Variants in BMP7 observed in about 807,000 individuals in gnomAD.
BMP7 encodes the protein bone morphogenetic protein 7.
BMP7 carries 12 observed loss-of-function variants against 41.2 expected under a neutral mutation model. The ratio of observed to expected loss-of-function variants is 0.29; its 90% confidence interval spans 0.19 to 0.47. The LOEUF is 0.47. Among genes scored for constraint, BMP7 ranks in the 20% least tolerant of loss-of-function variants. The probability of loss-of-function intolerance (pLI) is 0.99; values close to 1 mark genes in which losing one functional copy is unlikely to be tolerated. For missense variants in BMP7, 467 were observed against 606.0 expected (o/e 0.77, Z 2.41); for synonymous variants, 248 against 250.0 (o/e 0.99, Z 0.07).
intron 3 of BMP7, among the ~76,000 whole-genome samples, chr20:57,184,688 A>G (rs2123068591): frequency 6.6e-6 from 1 of 152,242 alleles, no homozygotes; most frequent in Middle Eastern, 3.4e-3. Flanking sequence ...AGTTAAAATA[A>G]GCTCATCCTG....
rs886997849 is a variant in BMP7 at position 57,193,325 on chromosome 20, G to A, written c.760+9150C>T. 6.4e-4 allele frequency among the ~76,000 whole-genome samples: 97 copies of A among 152,280 alleles called. 1 individual carries two copies. Among genetic ancestry groups the A allele is most frequent in the African/African-American group, 2.1e-3 (89 of 41,556 alleles). ...TGTGGCAATGTTTGAGACATTTTTG[G>A]TTGTCGTAACTGAGCAGTTGCTACT... On this transcript the variant is annotated intron_variant, in intron 3 of 6. Coordinates refer to ENST00000395863, the MANE Select transcript of BMP7 (RefSeq NM_001719.3).
rs1983814208 is a variant in BMP7, at chr20:57,171,437, T to C, written c.1147-329A>G. ...TAGATTGCTGAATAGTGTCCCTGAC[T>C]TGGACCCACTAGAAGTGCTCCATCT... On this transcript the variant is annotated intron_variant, in intron 6 of 6. Transcript: ENST00000395863. The surrounding 1 kb of genome is among the most constrained non-coding windows in gnomAD (Gnocchi z 4.5). Among the ~76,000 whole-genome samples the C allele has an allele frequency of 6.6e-6, 1 of 152,222 alleles. No individual in the cohort carries two copies. The highest frequency in any genetic ancestry group is 1.5e-5 in the Non-Finnish European group (1 of 68,036).
intron 1 of BMP7, among the ~76,000 whole-genome samples, chr20:57,237,384 G>A (rs1342999740): frequency 6.6e-6 from 1 of 152,172 alleles, no homozygotes; most frequent in Admixed American, 6.5e-5. Context: ...TTCCCTGGAG[G>A]GCTACAGCTC....
In BMP7 at chr20:57,170,695, G is replaced by T. The variant is rs190857806; in HGVS notation, c.*264C>A. 5.0e-5 allele frequency: 22 copies of T among 437,258 alleles called. No homozygotes were observed. Among genetic ancestry groups the T allele is most frequent in the African/African-American group, 4.2e-4 (21 of 49,582 alleles). The allele number at this position is 437,258 out of a possible 1,614,324, so 27.1% of individuals were successfully genotyped here. A position where few individuals can be genotyped will look rare whatever the true frequency, so the allele number is the denominator to read the frequency against. ...ACTTCCCAGCCAATGACCTGGCCCG[G>T]CCATTTTTCTTTATGCGTTGTTTTT... is the stretch of plus-strand genomic sequence containing the variant. On this transcript the variant is annotated 3_prime_UTR_variant, in exon 7 of 7. Transcript: ENST00000395863.
At chr20:57,178,404 G>C (rs1011144608) in intron 4 of BMP7, among the ~76,000 whole-genome samples, 3 of 152,120 alleles carry the variant, frequency 2.0e-5, no homozygotes, top group Admixed American at 2.0e-4. Context: ...AGTGGATGGA[G>C]GCAGCCAGGG....
chr20:57,248,788 G>C (rs2066099973), intron 1 of BMP7, among the ~76,000 whole-genome samples: 1 of 104,050 alleles, frequency 9.6e-6, no homozygotes, highest in African/African-American at 3.2e-5. Flanking sequence ...TTTTGTTTTT[G>C]TTTTGTTTTG....
At chr20:57,201,923 C>T (rs186002651) in intron 3 of BMP7, among the ~76,000 whole-genome samples, 19 of 152,316 alleles carry the variant, frequency 1.2e-4, no homozygotes, top group African/African-American at 3.1e-4. Context: ...GAGAGTCAGA[C>T]GCACATTCAG....
chr20:57,249,931 G>T (rs1350988890), intron 1 of BMP7, among the ~76,000 whole-genome samples: 1 of 152,104 alleles, frequency 6.6e-6, no homozygotes, highest in Non-Finnish European at 1.5e-5. Context: ...ACCAGAGAGG[G>T]AAACTGAGGC....
At chr20:57,229,414 C>T (rs16984921) in intron 1 of BMP7, among the ~76,000 whole-genome samples, 2,799 of 152,270 alleles carry the variant, frequency 0.018, 76 homozygotes, top group African/African-American at 0.064. Context: ...CTTCTCCTGG[C>T]AGCGGTATTA....
At chr20:57,225,682 G>A (rs1600633199) in intron 2 of BMP7, among the ~76,000 whole-genome samples, 1 of 152,284 alleles carries the variant, frequency 6.6e-6, no homozygotes, top group South Asian at 2.1e-4. Context: ...AAAACAACCT[G>A]TCCAGAAAAA....
intron 2 of BMP7, among the ~76,000 whole-genome samples, chr20:57,216,776 G>C (rs1378293678): frequency 6.6e-6 from 1 of 152,166 alleles, no homozygotes. Flanking sequence ...CCATCTCTCC[G>C]AGGAGGAGTG....
intron 1 of BMP7, among the ~76,000 whole-genome samples, chr20:57,230,317 G>C (rs1799624101): frequency 1.3e-5 from 2 of 152,096 alleles, no homozygotes; most frequent in Admixed American, 6.5e-5. Flanking sequence ...CTCCGTAAAG[G>C]GCAGCCACTT....
At chr20:57,240,933 A>C (rs1256713760) in intron 1 of BMP7, among the ~76,000 whole-genome samples, 1 of 152,190 alleles carries the variant, frequency 6.6e-6, no homozygotes, top group Non-Finnish European at 1.5e-5. Flanking sequence ...CATATCAGTG[A>C]CCATCCTGAT....
intron 2 of BMP7, among the ~76,000 whole-genome samples, chr20:57,221,868 G>T: frequency 6.6e-6 from 1 of 151,782 alleles, no homozygotes; most frequent in Non-Finnish European, 1.5e-5. Flanking sequence ...GTCTCCATGG[G>T]GGGTTGTTGT....
In BMP7 at chr20:57,261,870, G is replaced by T. The variant is rs2066155589; in HGVS notation, c.418+3835C>A. 6.6e-6 allele frequency among the ~76,000 whole-genome samples: 1 copy of T among 152,198 alleles called. No individual in the cohort carries two copies. Among genetic ancestry groups the T allele is most frequent in the Non-Finnish European group, 1.5e-5 (1 of 68,048 alleles). ...TACAGTGGTAGGGCCTGCTCTTGAC[G>T]GGCAGTGGGAGAGGTCTTAATGCCA... On this transcript the variant is annotated intron_variant, in intron 1 of 6. Transcript: ENST00000395863. This position sits in a 1 kb window ranked among gnomAD's most constrained non-coding sequence, Gnocchi z 4.1.
At chr20:57,254,313 G>A (rs766092932) in intron 1 of BMP7, among the ~76,000 whole-genome samples, 8 of 151,958 alleles carry the variant, frequency 5.3e-5, no homozygotes, top group African/African-American at 1.5e-4. Flanking sequence ...GTGAGCCACC[G>A]CGCCCAGCCT....
At chr20:57,184,625 C>T (rs1220796590) in intron 3 of BMP7, among the ~76,000 whole-genome samples, 1 of 152,128 alleles carries the variant, frequency 6.6e-6, no homozygotes, top group African/African-American at 2.4e-5. Flanking sequence ...CCACACAGAG[C>T]CTCAGGATGT....
intron 2 of BMP7, among the ~76,000 whole-genome samples, chr20:57,221,192 C>T (rs1380018001): frequency 6.6e-6 from 1 of 152,138 alleles, no homozygotes; most frequent in Non-Finnish European, 1.5e-5. Context: ...TGCAGCCCCA[C>T]ACGGTTCAGC....
At chr20:57,173,652 A>G (rs1983860394) in intron 5 of BMP7, 2 of 276,156 alleles carry the variant, frequency 7.2e-6, no homozygotes, top group South Asian at 5.9e-5. Context: ...AAAACATAAA[A>G]TAAAAATGAA....
Sources: gnomAD v4.1 joint callset for allele counts (sites outside exome capture counted in the v4.1 genomes callset) on GRCh38, gnomAD v4.1.1 for gene constraint, Gnocchi (gnomAD v3.1) non-coding constraint, MANE v1.5 for transcripts, NCBI Gene and HGNC (gene_info 2026-07-23, HGNC 2026-07-21) for gene names.